GPC5: variants seen among roughly 807,000 people sequenced by gnomAD.
The protein encoded by GPC5 is glypican-5.
Under a neutral mutation model 53.9 loss-of-function variants are expected in GPC5, and 47 were observed. The ratio of observed to expected loss-of-function variants is 0.87; its 90% CI spans 0.69 to 1.11. The LOEUF (loss-of-function observed/expected upper bound fraction) is 1.11. Among genes scored for constraint, GPC5 ranks in the 50% most tolerant of loss-of-function variants. The pLI is 0.00. For missense variants in GPC5, 748 were observed against 713.1 expected, an observed-to-expected ratio of 1.05 and a Z score of -0.56; for synonymous variants, 286 against 263.3, an observed-to-expected ratio of 1.09 and a Z score of -0.84.
intron 7 of GPC5, among the ~76,000 whole-genome samples, chr13:92,597,574 T>C (rs1883922714): frequency 6.6e-6 from 1 of 152,122 alleles, no homozygotes; most frequent in African/African-American, 2.4e-5. Context: ...CTCCCCCTTT[T>C]CACAGAAAAT....
chr13:91,559,847 A>G (rs1348873367), intron 2 of GPC5, among the ~76,000 whole-genome samples: 1 of 152,112 alleles, frequency 6.6e-6, no homozygotes, highest in Non-Finnish European at 1.5e-5. Flanking sequence ...AAATTTCAGC[A>G]TACTCCAGGG....
At chr13:92,615,880 C>G (rs1434216939) in intron 7 of GPC5, among the ~76,000 whole-genome samples, 1 of 152,004 alleles carries the variant, frequency 6.6e-6, no homozygotes, top group African/African-American at 2.4e-5. Flanking sequence ...GGTGAAACCC[C>G]GTCTCTACTA....
At chr13:92,264,874 CTCTCTGTGTGTGTGTGTGTGTGTGTGTG>C (rs1306216488) in intron 7 of GPC5, among the ~76,000 whole-genome samples, 1 of 116,576 alleles carries the variant, frequency 8.6e-6, no homozygotes, top group African/African-American at 4.0e-5. Context: ...CTCTCTCTCT[CTCTCTGTGTGTGTGTGTGTGTGTGTGTG>C]TGTGTGTGTG....
chr13:92,602,085 T>C (rs1327183230), intron 7 of GPC5, among the ~76,000 whole-genome samples: 1 of 149,262 alleles, frequency 6.7e-6, no homozygotes, highest in Non-Finnish European at 1.5e-5. Flanking sequence ...CTTTATTTAT[T>C]ACAATTACTT....
At chr13:92,807,603 G>T (rs527544863) in intron 7 of GPC5, among the ~76,000 whole-genome samples, 1 of 152,072 alleles carries the variant, frequency 6.6e-6, no homozygotes, top group South Asian at 2.1e-4. Context: ...TGTTTCTTCT[G>T]GCAAAAAGAA....
intron 7 of GPC5, among the ~76,000 whole-genome samples, chr13:92,568,524 A>G (rs919568674): frequency 6.6e-6 from 1 of 152,220 alleles, no homozygotes; most frequent in African/African-American, 2.4e-5. Context: ...TTAGTTTGTT[A>G]TAACATTCTC....
intron 7 of GPC5, among the ~76,000 whole-genome samples, chr13:92,197,069 G>A (rs903689403): frequency 1.3e-5 from 2 of 152,166 alleles, no homozygotes; most frequent in Admixed American, 1.3e-4. Context: ...ACAGCAGTGG[G>A]GGATAGCAAC....
chr13:91,622,475 G>A (rs1287974779), intron 2 of GPC5, among the ~76,000 whole-genome samples: 5 of 152,040 alleles, frequency 3.3e-5, no homozygotes, highest in Admixed American at 6.6e-5. Flanking sequence ...TTGTTAGGAC[G>A]TTGTGGTTTA....
chr13:91,408,477 G>T (rs1026309203), intron 1 of GPC5, among the ~76,000 whole-genome samples: 13 of 152,002 alleles, frequency 8.6e-5, no homozygotes, highest in African/African-American at 2.7e-4. Flanking sequence ...GGTTTATCTA[G>T]TCTTTAAGAC....
At chr13:92,777,447 T>C (rs1380425484) in intron 7 of GPC5, among the ~76,000 whole-genome samples, 4 of 150,482 alleles carry the variant, frequency 2.7e-5, no homozygotes, top group Non-Finnish European at 4.4e-5. Context: ...AGCCTGGCCA[T>C]CATGGTAAAA....
intron 1 of GPC5, among the ~76,000 whole-genome samples, chr13:91,423,926 A>T (rs1213947079): frequency 3.9e-5 from 6 of 152,226 alleles, no homozygotes; most frequent in Non-Finnish European, 8.8e-5. Context: ...TTTTAAACTT[A>T]AAAGTTTCCA....
At chr13:91,416,962 T>G (rs960626177) in intron 1 of GPC5, among the ~76,000 whole-genome samples, 41 of 152,178 alleles carry the variant, frequency 2.7e-4, no homozygotes, top group Non-Finnish European at 2.9e-4. Context: ...TAGCCCGCCT[T>G]TTACCATTCC....
At chr13:91,428,436 A>G (rs546392144) in intron 1 of GPC5, among the ~76,000 whole-genome samples, 2 of 152,328 alleles carry the variant, frequency 1.3e-5, no homozygotes, top group East Asian at 1.9e-4. Context: ...GAGGTATGAT[A>G]GTTTAAAGAA....
chr13:92,831,295 C>T (rs939568370), intron 7 of GPC5, among the ~76,000 whole-genome samples: 9 of 152,076 alleles, frequency 5.9e-5, no homozygotes, highest in Admixed American at 1.3e-4. Context: ...AAACATGACT[C>T]TTTTCATGCT....
At chr13:92,145,203 G>T (rs2041858481) in intron 7 of GPC5, among the ~76,000 whole-genome samples, 1 of 151,260 alleles carries the variant, frequency 6.6e-6, no homozygotes, top group African/African-American at 2.4e-5. Flanking sequence ...ATAGTTTTCT[G>T]TGAAAAAAAA....
intron 6 of GPC5, among the ~76,000 whole-genome samples, chr13:92,007,466 TAAAG>T (rs1003538542): frequency 2.0e-5 from 3 of 152,194 alleles, no homozygotes; most frequent in African/African-American, 7.2e-5. Context: ...TTTGTCATTA[TAAAG>T]AGTCTGTCTT....
chr13:92,622,008 TA>T lies in GPC5; in HGVS notation c.1562-244272del, dbSNP rs1884886973. On this transcript the variant is annotated intron_variant, in intron 7 of 7. Transcript: ENST00000377067. Reference sequence around the variant, plus strand: ...TATCTTCCTGAAAGCTCCCCTCGACTAATGCTTTCAGTACCTTCTCATTCCC... The same window carrying T: ...TATCTTCCTGAAAGCTCCCCTCGACTATGCTTTCAGTACCTTCTCATTCCC... 2.0e-5 allele frequency among the ~76,000 whole-genome samples: 3 copies of T among 152,180 alleles called. No homozygotes were observed. The South Asian group carries it at 6.2e-4, about 32-fold the overall frequency.
chr13:91,830,881 TTA>T, intron 5 of GPC5, among the ~76,000 whole-genome samples: 1 of 135,752 alleles, frequency 7.4e-6, no homozygotes, highest in South Asian at 2.2e-4. Flanking sequence ...ATATATCCTA[TTA>T]TATATAATAT....
chr13:92,144,277 T>C (rs938020711), intron 6 of GPC5, among the ~76,000 whole-genome samples: 3 of 152,194 alleles, frequency 2.0e-5, no homozygotes, highest in African/African-American at 4.8e-5. Flanking sequence ...GACCTAAGTC[T>C]TTTGTCCCAA....
Sources: gnomAD v4.1 joint callset for allele counts (sites outside exome capture counted in the v4.1 genomes callset) on GRCh38, gnomAD v4.1.1 for gene constraint, MANE v1.5 for transcripts, NCBI Gene and HGNC (gene_info 2026-07-23, HGNC 2026-07-21) for gene names.